CDH12: variants seen among roughly 807,000 people sequenced by gnomAD.
The protein encoded by CDH12 is cadherin-12.
In CDH12, 41 loss-of-function variants were observed where a neutral mutation model predicts 74.1. The ratio of observed to expected loss-of-function variants is 0.55; its 90% CI spans 0.43 to 0.72. CDH12 has a LOEUF of 0.72. Among genes scored for constraint, CDH12 ranks in the 30% least tolerant of loss-of-function variants. CDH12 has a pLI of 0.00. For missense variants in CDH12, 945 were observed against 977.2 expected (o/e 0.97, Z 0.44); for synonymous variants, 399 against 355.0 (o/e 1.12, Z -1.39).
At chr5:22,359,235 A>T (rs1740694307) in intron 3 of CDH12, among the ~76,000 whole-genome samples, 2 of 152,200 alleles carry the variant, frequency 1.3e-5, no homozygotes, top group South Asian at 4.1e-4. Flanking sequence ...ATGGAGGAAG[A>T]TCTACCAAGC....
intron 2 of CDH12, among the ~76,000 whole-genome samples, chr5:22,480,154 A>T (rs1423242544): frequency 6.6e-6 from 1 of 152,156 alleles, no homozygotes; most frequent in Non-Finnish European, 1.5e-5. Context: ...GCAAACACAT[A>T]GGCTTCAAGA....
At chr5:22,834,341 A>G (rs1445419539) in intron 1 of CDH12, among the ~76,000 whole-genome samples, 1 of 152,128 alleles carries the variant, frequency 6.6e-6, no homozygotes, top group East Asian at 1.9e-4. Context: ...GGAAAGAATG[A>G]CAGGATATTT....
At chr5:22,513,971 G>T (rs1030363968) in intron 1 of CDH12, among the ~76,000 whole-genome samples, 2 of 142,568 alleles carry the variant, frequency 1.4e-5, no homozygotes, top group Non-Finnish European at 1.5e-5. Flanking sequence ...AAAAAAAAAT[G>T]CACAACACAT....
Position 21,974,421 on chromosome 5 carries a change from G to T in CDH12, c.526+670C>A, listed in dbSNP as rs188408454. Reference sequence around the variant, plus strand: ...TTATAGGACTTTGTAAATTTAGGCTGATATGGAAATGTATATTTATATCAA... The same window carrying T: ...TTATAGGACTTTGTAAATTTAGGCTTATATGGAAATGTATATTTATATCAA... On this transcript the variant is annotated intron_variant, in intron 6 of 14. Coordinates refer to ENST00000382254, the MANE Select transcript of CDH12 (RefSeq NM_004061.5). Among the ~76,000 whole-genome samples the T allele has an allele frequency of 4.9e-3, 746 of 152,100 alleles. 6 individuals are homozygous for T. Among genetic ancestry groups the T allele is most frequent in the African/African-American group, 0.017 (701 of 41,480 alleles).
chr5:22,055,900 TTTAG>T (rs1323019473), intron 5 of CDH12, among the ~76,000 whole-genome samples: 3 of 152,168 alleles, frequency 2.0e-5, no homozygotes, highest in Non-Finnish European at 4.4e-5. Context: ...TTGACAAATT[TTTAG>T]TTAGTGCATG....
At chr5:22,435,843 C>A (rs1304873773) in intron 2 of CDH12, among the ~76,000 whole-genome samples, 1 of 151,914 alleles carries the variant, frequency 6.6e-6, no homozygotes, top group African/African-American at 2.4e-5. Context: ...GTGGCCCCTA[C>A]CCAGGAGCTG....
At chr5:22,504,899 C>T (rs1470144287) in intron 2 of CDH12, among the ~76,000 whole-genome samples, 4 of 151,762 alleles carry the variant, frequency 2.6e-5, no homozygotes, top group Non-Finnish European at 5.9e-5. Context: ...AGGGACTAGA[C>T]AAAGCATCAT....
In CDH12 at chr5:21,901,980, T is replaced by C. The variant is rs372678524; in HGVS notation, c.527-47190A>G. 3.2e-4 allele frequency among the ~76,000 whole-genome samples: 49 copies of C among 152,276 alleles called. 2 individuals are homozygous for C. The South Asian group carries it at 0.01, about 32-fold the overall frequency. On this transcript the variant is annotated intron_variant, in intron 6 of 14. Transcript: ENST00000382254. ...CTGCTAGCCACTGTACGTGCAGAGA[T>C]TACAATAATAATCGTCATGTACTGC...
chr5:21,751,905 A>G lies in CDH12; in HGVS notation c.2217T>C (p.Tyr739=). The change falls in exon 15 of 15, where the codon TAT becomes TAC. Residue 739 remains tyrosine (Y), a synonymous_variant. Coordinates refer to ENST00000382254, the MANE Select transcript of CDH12 (RefSeq NM_004061.5). Reference sequence around the variant, plus strand: ...CCACGGACCCACTCCCTTCGTAGGCATATGTGGCCAGTGAATCGTATGGTG... The same window carrying G: ...CCACGGACCCACTCCCTTCGTAGGCGTATGTGGCCAGTGAATCGTATGGTG... ...TAPPYDSLAT[Y]AYEGSGSVAE... 1 of 1,614,076 alleles carries G rather than the reference A, an allele frequency of 6.2e-7. No homozygotes were observed. Among genetic ancestry groups the G allele is most frequent in the Non-Finnish European group, 8.5e-7 (1 of 1,180,014 alleles).
chr5:22,801,636 CATATATATATATATATATATATAT>C lies in CDH12; in HGVS notation c.-523+51398_-523+51421del, dbSNP rs568139109. On this transcript the variant is annotated intron_variant, in intron 1 of 14. Transcript: ENST00000382254. The stretch of plus-strand genomic sequence containing the variant: ...TTACAATTACCTTCACTCTGCTTAT[CATATATATATATATATATATATAT>C]ATATATATATATATATATATATATA... 1.3e-3 allele frequency among the ~76,000 whole-genome samples: 67 copies of C among 50,894 alleles called. 1 individual carries two copies. The highest frequency in any genetic ancestry group is 3.8e-3 in the African/African-American group (57 of 14,892). The allele number at this position is 50,894 out of a possible 152,430, so 33.4% of individuals were successfully genotyped here.
At chr5:21,892,420 C>A (rs140424082) in intron 6 of CDH12, among the ~76,000 whole-genome samples, 1 of 151,886 alleles carries the variant, frequency 6.6e-6, no homozygotes, top group Non-Finnish European at 1.5e-5. Flanking sequence ...AGGGTGGTGG[C>A]GGGAAAAAGT....
intron 1 of CDH12, among the ~76,000 whole-genome samples, chr5:22,717,165 C>T (rs971679519): frequency 2.0e-5 from 3 of 152,130 alleles, no homozygotes; most frequent in African/African-American, 7.2e-5. Context: ...CATTCACCCA[C>T]CTCTCACTCA....
chr5:21,934,368 T>C (rs999281459), intron 6 of CDH12, among the ~76,000 whole-genome samples: 5 of 152,318 alleles, frequency 3.3e-5, no homozygotes, highest in Admixed American at 6.5e-5. Context: ...ATGTATGTTA[T>C]TTCACCCAAT....
At chr5:22,819,858 C>T (rs1171852357) in intron 1 of CDH12, among the ~76,000 whole-genome samples, 2 of 148,222 alleles carry the variant, frequency 1.3e-5, no homozygotes, top group Non-Finnish European at 3.0e-5. Flanking sequence ...TAGAAGATAT[C>T]CAGATATTTA....
At chr5:22,293,230 C>T (rs72494168) in intron 3 of CDH12, among the ~76,000 whole-genome samples, 22 of 152,192 alleles carry the variant, frequency 1.4e-4, no homozygotes, top group African/African-American at 4.3e-4. Context: ...CAACGGGGAC[C>T]GGACACAGTA....
At chr5:22,477,249 T>C (rs954042610) in intron 2 of CDH12, among the ~76,000 whole-genome samples, 1 of 152,128 alleles carries the variant, frequency 6.6e-6, no homozygotes, top group African/African-American at 2.4e-5. Flanking sequence ...TCCTCTCACC[T>C]TTCACCCTCC....
chr5:22,071,759 A>T (rs1741955240), intron 5 of CDH12, among the ~76,000 whole-genome samples: 1 of 152,102 alleles, frequency 6.6e-6, no homozygotes, highest in South Asian at 2.1e-4. Flanking sequence ...TGTACTTGTA[A>T]GTAACTAAGG....
At chr5:22,153,727 A>T (rs1238429821) in intron 4 of CDH12, among the ~76,000 whole-genome samples, 3 of 149,082 alleles carry the variant, frequency 2.0e-5, no homozygotes, top group African/African-American at 7.3e-5. Flanking sequence ...ATATACATTC[A>T]TGAGTATTTT....
chr5:22,476,022 T>C (rs1389647361), intron 2 of CDH12, among the ~76,000 whole-genome samples: 4 of 152,058 alleles, frequency 2.6e-5, no homozygotes, highest in Admixed American at 2.6e-4. Flanking sequence ...AATGTAAGCA[T>C]TCACCTGTAT....
Sources: gnomAD v4.1 joint callset for allele counts (sites outside exome capture counted in the v4.1 genomes callset) on GRCh38, gnomAD v4.1.1 for gene constraint, MANE v1.5 for transcripts, NCBI Gene and HGNC (gene_info 2026-07-23, HGNC 2026-07-21) for gene names.